NAV2: variants seen among roughly 807,000 people sequenced by gnomAD.
NAV2 encodes the protein helicase, APC down-regulated 1.
In NAV2, 54 loss-of-function variants were observed where a neutral mutation model predicts 223.2. The ratio of observed to expected loss-of-function variants is 0.24; its 90% CI spans 0.19 to 0.30. NAV2 has a LOEUF of 0.30. Ranked by LOEUF, NAV2 falls within the 10% of genes least tolerant of loss-of-function variation. The probability of loss-of-function intolerance (pLI) is 1.00; values close to 1 mark genes in which losing one functional copy is unlikely to be tolerated. For missense variants in NAV2, 2,806 were observed against 3,147.5 expected (o/e 0.89, Z 2.60); for synonymous variants, 1,279 against 1,239.3 (o/e 1.03, Z -0.67).
chr11:19,422,304 C>G (rs908586468), intron 1 of NAV2, among the ~76,000 whole-genome samples: 1 of 152,184 alleles, frequency 6.6e-6, no homozygotes, highest in East Asian at 1.9e-4. Flanking sequence ...GCTGATCCAG[C>G]TGCTGATGGT....
Position 19,824,725 on chromosome 11 carries a change from G to A in NAV2, c.268-7759G>A, listed in dbSNP as rs563200574. On this transcript the variant is annotated intron_variant, in intron 1 of 37. Coordinates refer to ENST00000349880, the MANE Select transcript of NAV2 (RefSeq NM_145117.5). Reference sequence around the variant, plus strand: ...TTTCCTCACCCCATGCAGCTAAAAGGTTATGTGGACTTGTGGTTGATACCT... The same window carrying A: ...TTTCCTCACCCCATGCAGCTAAAAGATTATGTGGACTTGTGGTTGATACCT... Among the ~76,000 whole-genome samples the A allele has an allele frequency of 1.2e-4, 18 of 152,282 alleles. No individual in the cohort carries two copies. In the South Asian group the frequency reaches 3.3e-3, roughly 28 times the overall value.
intron 10 of NAV2, among the ~76,000 whole-genome samples, chr11:19,952,661 A>G (rs2047493278): frequency 6.6e-6 from 1 of 152,040 alleles, no homozygotes; most frequent in Non-Finnish European, 1.5e-5. Context: ...AAAACCTAAG[A>G]CCTCTGTTTT....
At chr11:19,796,743 C>G (rs1209339138) in intron 1 of NAV2, among the ~76,000 whole-genome samples, 1 of 152,154 alleles carries the variant, frequency 6.6e-6, no homozygotes, top group Non-Finnish European at 1.5e-5. Flanking sequence ...CTACCACATG[C>G]CCCTACACAC....
rs1015697777 is a variant in NAV2, at chr11:20,055,645, A to G, written c.4643-124A>G. On this transcript the variant is annotated intron_variant, in intron 18 of 37. Transcript: ENST00000349880. ...CTGATGGGACTACCTTTTAGAAAAC[A>G]GATGGGAGAAGAGTTGGCAGAAACA... is the stretch of plus-strand genomic sequence containing the variant. The G allele has an allele frequency of 4.8e-6, 4 of 830,564 alleles. No homozygotes were observed. In the African/African-American group the frequency reaches 6.8e-5, roughly 14 times the overall value. 51.4% of individuals were successfully genotyped at this position (830,564 alleles called of 1,614,324 possible).
rs761773181 is a variant in NAV2 at position 20,049,124 on chromosome 11, C to T, written c.4299C>T (p.Ile1433=). 15 of 1,614,026 alleles carry T rather than the reference C, an allele frequency of 9.3e-6. 1 individual carries two copies. The highest frequency in any genetic ancestry group is 1.6e-4 in the Middle Eastern group (1 of 6,062). ...VPSHNSSTGL[I]ASSKDDSLTP... is the part of the protein sequence containing the mutation. ...GCCACAATTCTTCCACTGGCCTCAT[C>T]GCCTCCTCCAAGGACGACTCCTTGA... The change falls in exon 15 of 38, where the codon ATC becomes ATT. Residue 1433 remains isoleucine, a synonymous_variant. Transcript: ENST00000349880.
At chr11:19,413,039 C>A (rs542998148) in intron 1 of NAV2, among the ~76,000 whole-genome samples, 42 of 152,242 alleles carry the variant, frequency 2.8e-4, no homozygotes, top group Middle Eastern at 3.4e-3. Flanking sequence ...ATCACAACTC[C>A]TCACCAGCAA....
Position 19,933,482 on chromosome 11 carries a change from G to A in NAV2, c.1238G>A (p.Gly413Asp). The A allele has an allele frequency of 1.9e-6, 3 of 1,610,870 alleles. No individual in the cohort carries two copies. Among genetic ancestry groups the A allele is most frequent in the Non-Finnish European group, 2.5e-6 (3 of 1,178,758 alleles). Residue 413 changes from glycine to aspartate, a missense_variant, in exon 7 of 38, where the codon GGC becomes GAC. Around this residue, in one of 4 missense-constraint regions of NAV2, gnomAD observed 1,167 missense variants for 1,180.5 expected, o/e 0.99. Transcript: ENST00000349880. The surrounding 1 kb of genome is among the most constrained non-coding windows in gnomAD (Gnocchi z 4.3). ...CTGAAACTTTTCAACAGTAAAGGGGGCTCAAAGGCAGGTGAGGGGCCGGGG... is the reference window on the plus strand; with the variant it reads ...CTGAAACTTTTCAACAGTAAAGGGGACTCAAAGGCAGGTGAGGGGCCGGGG... ...EKLKLFNSKG[G>D]SKAGEGPGSR...
intron 1 of NAV2, among the ~76,000 whole-genome samples, chr11:19,514,829 C>G (rs1157067118): frequency 1.3e-5 from 1 of 78,640 alleles, no homozygotes; most frequent in African/African-American, 2.8e-5. Flanking sequence ...ATGGCTGCAG[C>G]CCAGGCAGGC....
intron 11 of NAV2, among the ~76,000 whole-genome samples, chr11:20,006,224 G>A (rs2053057850): frequency 6.6e-6 from 1 of 152,142 alleles, no homozygotes; most frequent in Admixed American, 6.5e-5. Flanking sequence ...GATCATTAGG[G>A]TTTGATTATA....
intron 1 of NAV2, among the ~76,000 whole-genome samples, chr11:19,789,589 G>A (rs191682073): frequency 1.6e-4 from 24 of 152,338 alleles, no homozygotes; most frequent in Non-Finnish European, 2.5e-4. Flanking sequence ...AATTAGACTG[G>A]TTGGTGTACA....
At chr11:19,836,322 C>A (rs1176639111) in intron 2 of NAV2, among the ~76,000 whole-genome samples, 3 of 152,040 alleles carry the variant, frequency 2.0e-5, no homozygotes, top group Non-Finnish European at 4.4e-5. Context: ...CTTTGGGAGG[C>A]CGAGGCGGGT....
At chr11:19,359,342 G>T (rs1853799836) in intron 1 of NAV2, among the ~76,000 whole-genome samples, 1 of 152,230 alleles carries the variant, frequency 6.6e-6, no homozygotes, top group African/African-American at 2.4e-5. Context: ...CCACTGTAGA[G>T]ACATGCCTTT....
At chr11:19,818,107 A>G (rs1437335588) in intron 1 of NAV2, among the ~76,000 whole-genome samples, 1 of 151,768 alleles carries the variant, frequency 6.6e-6, no homozygotes, top group African/African-American at 2.4e-5. Context: ...TGCCCCCTAA[A>G]TTTGCATACT....
intron 11 of NAV2, among the ~76,000 whole-genome samples, chr11:20,001,548 C>G (rs974755100): frequency 3.3e-5 from 5 of 152,096 alleles, no homozygotes; most frequent in African/African-American, 1.2e-4. Flanking sequence ...TTTTCTCACT[C>G]TCAGGACTGT....
At chr11:19,700,652 C>T (rs2049485167) in intron 1 of NAV2, among the ~76,000 whole-genome samples, 2 of 152,220 alleles carry the variant, frequency 1.3e-5, no homozygotes, top group Admixed American at 6.5e-5. Flanking sequence ...CCGAAGCACA[C>T]TGGCAGGCAG....
At chr11:20,061,792 TG>T (rs1453287254) in intron 19 of NAV2, among the ~76,000 whole-genome samples, 3 of 152,232 alleles carry the variant, frequency 2.0e-5, no homozygotes, top group African/African-American at 7.2e-5. Context: ...GAACTTACTG[TG>T]GCCAACAGCC....
intron 1 of NAV2, among the ~76,000 whole-genome samples, chr11:19,641,503 G>T (rs4757832): frequency 0.059 from 8,986 of 152,014 alleles, 589 homozygotes; most frequent in African/African-American, 0.15. Context: ...ACCCTTGGAA[G>T]AAGGGCAAAT....
chr11:19,536,599 T>C lies in NAV2; in HGVS notation c.75+185572T>C, dbSNP rs1344173837. On this transcript the variant is annotated intron_variant, in intron 1 of 37. Coordinates refer to the NAV2 transcript ENST00000360655. Reference sequence around the variant, plus strand: ...GCTTTGATATTTGTTCAGCACTTACTACTAATGCTTACAAGCCTTCCAAGA... The same window carrying C: ...GCTTTGATATTTGTTCAGCACTTACCACTAATGCTTACAAGCCTTCCAAGA... Among the ~76,000 whole-genome samples the C allele has an allele frequency of 3.3e-5, 5 of 152,368 alleles. No individual in the cohort carries two copies. In the South Asian group the frequency reaches 1.0e-3, roughly 32 times the overall value.
At chr11:19,932,570 C>T (rs1442074309) in intron 6 of NAV2, among the ~76,000 whole-genome samples, 2 of 152,196 alleles carry the variant, frequency 1.3e-5, no homozygotes, top group East Asian at 1.9e-4. Flanking sequence ...CTGCCCGCCT[C>T]GGCCTCCCAA....
Sources: allele counts gnomAD v4.1 joint callset (sites outside exome capture counted in the v4.1 genomes callset), GRCh38; gene constraint gnomAD v4.1.1; regional missense constraint gnomAD v4.1.1; non-coding constraint Gnocchi (gnomAD v3.1); transcripts MANE v1.5; gene names NCBI Gene and HGNC (gene_info 2026-07-23, HGNC 2026-07-21).